The following KCNT2 variants were observed in gnomAD, a reference collection of about 807,000 sequenced individuals.
KCNT2 encodes potassium sodium-activated channel subfamily T member 2.
Under a neutral mutation model 153.8 loss-of-function variants are expected in KCNT2, and 67 were observed. That is an observed-to-expected ratio of 0.44 (90% CI 0.36 to 0.53). The LOEUF is 0.53. Among genes scored for constraint, KCNT2 ranks in the 20% least tolerant of loss-of-function variants. KCNT2 has a pLI of 0.00. For synonymous variants in KCNT2, 500 were observed against 458.8 expected (o/e 1.09, Z -1.15); for missense variants, 975 against 1,354.8 (o/e 0.72, Z 4.40).
intron 1 of KCNT2, among the ~76,000 whole-genome samples, chr1:196,500,471 A>T (rs572597294): frequency 6.6e-6 from 1 of 152,310 alleles, no homozygotes; most frequent in East Asian, 1.9e-4. Flanking sequence ...TATTGGTAGT[A>T]GGAGAATTCT....
intron 1 of KCNT2, among the ~76,000 whole-genome samples, chr1:196,503,891 C>T (rs1227857272): frequency 6.6e-6 from 1 of 152,108 alleles, no homozygotes; most frequent in Non-Finnish European, 1.5e-5. Flanking sequence ...ATGGGCACAG[C>T]TCACTGGAAC....
At chr1:196,550,375 GA>G (rs752919226) in intron 1 of KCNT2, among the ~76,000 whole-genome samples, 5 of 151,918 alleles carry the variant, frequency 3.3e-5, no homozygotes, top group Non-Finnish European at 5.9e-5. Context: ...CCATGTGTAA[GA>G]AAATACACAG....
chr1:196,317,587 A>G (rs1662849355), intron 20 of KCNT2, among the ~76,000 whole-genome samples: 1 of 151,698 alleles, frequency 6.6e-6, no homozygotes, highest in Non-Finnish European at 1.5e-5. Context: ...TTCTTCATTA[A>G]TAAAACATCT....
At chr1:196,511,409 T>C (rs1200155732) in intron 1 of KCNT2, among the ~76,000 whole-genome samples, 2 of 152,092 alleles carry the variant, frequency 1.3e-5, no homozygotes, top group African/African-American at 4.8e-5. Context: ...AAAGGCAACA[T>C]CATCATTGCA....
chr1:196,578,052 G>A (rs1661578177), intron 1 of KCNT2, among the ~76,000 whole-genome samples: 2 of 152,194 alleles, frequency 1.3e-5, no homozygotes, highest in South Asian at 4.1e-4. Context: ...CACATTATGG[G>A]ATTTTACTTA....
chr1:196,590,154 A>G (rs1165507370), intron 1 of KCNT2, among the ~76,000 whole-genome samples: 1 of 152,196 alleles, frequency 6.6e-6, no homozygotes. Flanking sequence ...TTGGGAAATC[A>G]CCAAAATGTT....
chr1:196,281,287 T>TACTC (rs1361825906), intron 24 of KCNT2, among the ~76,000 whole-genome samples: 1 of 152,186 alleles, frequency 6.6e-6, no homozygotes, highest in Non-Finnish European at 1.5e-5. Flanking sequence ...GAAATCCGAG[T>TACTC]ACTCAATTTA....
At chr1:196,394,527 A>T (rs1280106256) in intron 13 of KCNT2, among the ~76,000 whole-genome samples, 1 of 151,558 alleles carries the variant, frequency 6.6e-6, no homozygotes, top group Non-Finnish European at 1.5e-5. Flanking sequence ...AAAATCAATA[A>T]CTATTTTTAG....
chr1:196,342,440 A>G (rs867489396), intron 14 of KCNT2, among the ~76,000 whole-genome samples: 5 of 139,294 alleles, frequency 3.6e-5, no homozygotes, highest in East Asian at 2.0e-4. Flanking sequence ...ATATATATAT[A>G]TATATATGTA....
intron 1 of KCNT2, among the ~76,000 whole-genome samples, chr1:196,573,145 C>T (rs772418386): frequency 2.0e-5 from 3 of 151,244 alleles, no homozygotes; most frequent in Non-Finnish European, 4.4e-5. Flanking sequence ...TATTTAACTT[C>T]AAAGAATGGT....
chr1:196,410,622 A>T (rs1307438303), intron 12 of KCNT2, among the ~76,000 whole-genome samples: 1 of 151,504 alleles, frequency 6.6e-6, no homozygotes, highest in Non-Finnish European at 1.5e-5. Context: ...CTGCAGCACA[A>T]ACGAAAAATA....
intron 1 of KCNT2, among the ~76,000 whole-genome samples, chr1:196,558,301 G>C (rs1658940289): frequency 6.6e-6 from 1 of 151,130 alleles, no homozygotes; most frequent in Non-Finnish European, 1.5e-5. Context: ...ATTAAATCTA[G>C]AAAAATCTAC....
At chr1:196,294,500 T>C (rs897234889) in intron 22 of KCNT2, among the ~76,000 whole-genome samples, 1 of 152,102 alleles carries the variant, frequency 6.6e-6, no homozygotes, top group African/African-American at 2.4e-5. Flanking sequence ...GATCTCAATC[T>C]GCTGACCTCA....
rs567904188 is a variant in KCNT2, at chr1:196,589,890, C to T, written c.95+18325G>A. Among the ~76,000 whole-genome samples the T allele has an allele frequency of 3.3e-5, 5 of 152,228 alleles. 1 individual carries two copies. The highest frequency in any genetic ancestry group is 1.2e-4 in the African/African-American group (5 of 41,568). On this transcript the variant is annotated intron_variant, in intron 1 of 27. Transcript: ENST00000294725. ...AGTGTACTCCTAAACCTTCTAAATG[C>T]TACTTTTTAAACAAAGTGACTCTGA...
chr1:196,591,916 T>C (rs1311675132), intron 1 of KCNT2, among the ~76,000 whole-genome samples: 1 of 152,178 alleles, frequency 6.6e-6, no homozygotes, highest in Non-Finnish European at 1.5e-5. Context: ...AAAATTTTAA[T>C]TAGTGTTTAT....
At chr1:196,537,067 CA>C (rs1324488435) in intron 1 of KCNT2, among the ~76,000 whole-genome samples, 1 of 152,192 alleles carries the variant, frequency 6.6e-6, no homozygotes, top group Admixed American at 6.5e-5. Context: ...CATGCACATC[CA>C]GTTCAAATGG....
chr1:196,318,626 C>T (rs1662973794), intron 20 of KCNT2, among the ~76,000 whole-genome samples: 1 of 151,742 alleles, frequency 6.6e-6, no homozygotes, highest in Admixed American at 6.6e-5. Context: ...TTTAGTACAT[C>T]TAACTACAGT....
intron 8 of KCNT2, among the ~76,000 whole-genome samples, chr1:196,449,669 A>C (rs1235651724): frequency 2.0e-5 from 3 of 151,706 alleles, no homozygotes; most frequent in Non-Finnish European, 4.4e-5. Flanking sequence ...ATATGATGAA[A>C]TAATTTAGAC....
At chr1:196,592,694 T>C (rs899878969) in intron 1 of KCNT2, among the ~76,000 whole-genome samples, 5 of 72,754 alleles carry the variant, frequency 6.9e-5, no homozygotes, top group African/African-American at 2.1e-4. Flanking sequence ...TGATTATATA[T>C]GTATGTATAT....
Sources: gnomAD v4.1 joint callset for allele counts (sites outside exome capture counted in the v4.1 genomes callset) on GRCh38, gnomAD v4.1.1 for gene constraint, MANE v1.5 for transcripts, NCBI Gene and HGNC (gene_info 2026-07-23, HGNC 2026-07-21) for gene names.